PTPRK: variants seen among roughly 807,000 people sequenced by gnomAD.
The protein encoded by PTPRK is receptor-type tyrosine-protein phosphatase kappa.
In PTPRK, 75 loss-of-function variants were observed where a neutral mutation model predicts 178.0. That is an observed-to-expected ratio of 0.42 (90% CI 0.35 to 0.51). The LOEUF is 0.51. Ranked by LOEUF, PTPRK falls within the 20% of genes least tolerant of loss-of-function variation. The probability of loss-of-function intolerance (pLI) is 0.02; values close to 1 mark genes in which losing one functional copy is unlikely to be tolerated. For synonymous variants in PTPRK, 637 were observed against 620.6 expected, an observed-to-expected ratio of 1.03 and a Z score of -0.39; for missense variants, 1,441 against 1,797.8, an observed-to-expected ratio of 0.80 and a Z score of 3.59.
chr6:128,285,194 T>C (rs1822274599), intron 3 of PTPRK, among the ~76,000 whole-genome samples: 1 of 152,176 alleles, frequency 6.6e-6, no homozygotes, highest in Non-Finnish European at 1.5e-5. Context: ...CTGGTCATGA[T>C]CTGAGAATCT....
At chr6:128,182,764 T>C (rs540164808) in intron 7 of PTPRK, among the ~76,000 whole-genome samples, 10 of 152,282 alleles carry the variant, frequency 6.6e-5, no homozygotes, top group African/African-American at 2.4e-4. Flanking sequence ...TATAACTGGC[T>C]TCAAAACACA....
chr6:128,065,771 C>T (rs1781648904), intron 12 of PTPRK, among the ~76,000 whole-genome samples: 2 of 151,984 alleles, frequency 1.3e-5, no homozygotes. Flanking sequence ...GGCCTGAGAC[C>T]TTCATGGTAA....
At chr6:128,114,673 C>A (rs574708206) in intron 7 of PTPRK, among the ~76,000 whole-genome samples, 5 of 150,432 alleles carry the variant, frequency 3.3e-5, no homozygotes, top group African/African-American at 9.8e-5. Context: ...CAAGAACAGC[C>A]TGGAGGAAAC....
At chr6:128,202,720 G>C (rs866778983) in intron 6 of PTPRK, among the ~76,000 whole-genome samples, 1 of 152,194 alleles carries the variant, frequency 6.6e-6, no homozygotes, top group Middle Eastern at 3.4e-3. Context: ...TAGAATCCCT[G>C]GATAGACCAA....
At chr6:128,409,811 A>G (rs544487899) in intron 1 of PTPRK, among the ~76,000 whole-genome samples, 6 of 152,136 alleles carry the variant, frequency 3.9e-5, no homozygotes, top group South Asian at 2.1e-4. Context: ...GCCATTCCAC[A>G]TAAGATGTGA....
intron 2 of PTPRK, among the ~76,000 whole-genome samples, chr6:128,366,456 T>G (rs1298433490): frequency 1.3e-5 from 2 of 152,146 alleles, no homozygotes; most frequent in African/African-American, 4.8e-5. Flanking sequence ...TGGCTCTTCT[T>G]ATACTAACAA....
intron 2 of PTPRK, among the ~76,000 whole-genome samples, chr6:128,368,954 A>C (rs4449645): frequency 0.79 from 120,603 of 151,864 alleles, 48,401 homozygotes; most frequent in East Asian, 0.99. Flanking sequence ...AACAAACAAA[A>C]AAAAAAACAC....
chr6:128,061,071 A>G (rs1392429253), intron 13 of PTPRK, among the ~76,000 whole-genome samples: 1 of 152,220 alleles, frequency 6.6e-6, no homozygotes, highest in Non-Finnish European at 1.5e-5. Flanking sequence ...AGTGATGTAT[A>G]AGACTATTAA....
At chr6:128,344,167 C>G (rs1260403123) in intron 2 of PTPRK, among the ~76,000 whole-genome samples, 1 of 152,156 alleles carries the variant, frequency 6.6e-6, no homozygotes, top group Non-Finnish European at 1.5e-5. Context: ...CAAAACGAAG[C>G]TAAACTTCCT....
At chr6:128,389,754 T>G (rs930767896) in intron 2 of PTPRK, among the ~76,000 whole-genome samples, 1 of 152,060 alleles carries the variant, frequency 6.6e-6, no homozygotes, top group African/African-American at 2.4e-5. Flanking sequence ...TTTTTTTTAA[T>G]ACTAGGCTAT....
chr6:128,118,478 C>G (rs1791929264), intron 7 of PTPRK, among the ~76,000 whole-genome samples: 1 of 152,164 alleles, frequency 6.6e-6, no homozygotes, highest in Admixed American at 6.5e-5. Context: ...GAAGTTTTCC[C>G]TTAACAATTT....
intron 7 of PTPRK, among the ~76,000 whole-genome samples, chr6:128,148,215 CAG>C (rs1796762053): frequency 6.6e-6 from 1 of 151,976 alleles, no homozygotes. Context: ...GTAGAAGAAT[CAG>C]AGTTTTGCTA....
intron 3 of PTPRK, among the ~76,000 whole-genome samples, chr6:128,246,979 G>C (rs1815573525): frequency 6.6e-6 from 1 of 152,166 alleles, no homozygotes; most frequent in Non-Finnish European, 1.5e-5. Flanking sequence ...TTTTCCTCTA[G>C]CAAACTGAAT....
chr6:128,454,970 G>C (rs2128408648), intron 1 of PTPRK, among the ~76,000 whole-genome samples: 1 of 151,986 alleles, frequency 6.6e-6, no homozygotes, highest in Admixed American at 6.6e-5. Flanking sequence ...TTAAATGTAG[G>C]GCTGTATATA....
At chr6:128,493,633 C>T (rs1854226445) in intron 1 of PTPRK, among the ~76,000 whole-genome samples, 1 of 133,030 alleles carries the variant, frequency 7.5e-6, no homozygotes, top group East Asian at 2.0e-4. Context: ...CACACACACA[C>T]ACACACACAC....
At chr6:128,188,632 A>G (rs1803175790) in intron 6 of PTPRK, among the ~76,000 whole-genome samples, 1 of 152,166 alleles carries the variant, frequency 6.6e-6, no homozygotes, top group Admixed American at 6.6e-5. Flanking sequence ...AAATTACTAC[A>G]GACTTGGTGG....
At chr6:127,999,419 G>A (rs1178000928) in intron 15 of PTPRK, among the ~76,000 whole-genome samples, 1 of 151,954 alleles carries the variant, frequency 6.6e-6, no homozygotes, top group East Asian at 1.9e-4. Context: ...CTCTGCACTG[G>A]GAAACATGGG....
At chr6:127,999,865 A>G in intron 15 of PTPRK, 1 of 679,406 alleles carries the variant, frequency 1.5e-6, no homozygotes, top group Non-Finnish European at 1.8e-6. Context: ...AAGTCAACTG[A>G]ATCCCTGACC....
intron 7 of PTPRK, among the ~76,000 whole-genome samples, chr6:128,153,130 A>G (rs1797507989): frequency 6.6e-6 from 1 of 152,060 alleles, no homozygotes; most frequent in South Asian, 2.1e-4. Flanking sequence ...AGAAAAATAA[A>G]ATATGTGAAG....
Sources: allele counts gnomAD v4.1 joint callset (sites outside exome capture counted in the v4.1 genomes callset), GRCh38; gene constraint gnomAD v4.1.1; transcripts MANE v1.5; gene names NCBI Gene and HGNC (gene_info 2026-07-23, HGNC 2026-07-21).